PRDM2: variants seen among roughly 807,000 people sequenced by gnomAD.
PRDM2 encodes the protein PR domain zinc finger protein 2.
PRDM2 carries 30 observed loss-of-function variants against 130.0 expected under a neutral mutation model. The observed-to-expected ratio is 0.23, with a 90% CI of 0.17 to 0.31. The LOEUF (loss-of-function observed/expected upper bound fraction) is 0.31. PRDM2 is among the 10% of genes least tolerant of loss of function. The pLI, the probability that PRDM2 is intolerant of heterozygous loss-of-function variation, is 1.00. For missense variants in PRDM2, 2,011 were observed against 2,108.4 expected, an observed-to-expected ratio of 0.95 and a Z score of 0.90; for synonymous variants, 871 against 782.4, an observed-to-expected ratio of 1.11 and a Z score of -1.89.
At chr1:13,720,941 C>T (rs1052150203) in intron 2 of PRDM2, among the ~76,000 whole-genome samples, 32 of 152,272 alleles carry the variant, frequency 2.1e-4, no homozygotes, top group African/African-American at 7.5e-4. Context: ...AGTTTCACAC[C>T]CGTGTAACTA....
intron 2 of PRDM2, among the ~76,000 whole-genome samples, chr1:13,729,145 A>G (rs897842010): frequency 2.0e-5 from 3 of 152,186 alleles, no homozygotes; most frequent in East Asian, 1.9e-4. Flanking sequence ...CTCTTGGACT[A>G]TTTGGAGTAC....
intron 7 of PRDM2, among the ~76,000 whole-genome samples, chr1:13,776,822 C>T (rs1041892573): frequency 1.3e-5 from 2 of 152,150 alleles, no homozygotes; most frequent in Non-Finnish European, 2.9e-5. Context: ...CAGCCTCAGT[C>T]GTGGAGTCAT....
At chr1:13,775,461 A>G (rs758767909) in intron 7 of PRDM2, among the ~76,000 whole-genome samples, 15 of 152,210 alleles carry the variant, frequency 9.9e-5, no homozygotes, top group Non-Finnish European at 1.6e-4. Context: ...GAAATATGTT[A>G]CTACTGTCGA....
intron 7 of PRDM2, among the ~76,000 whole-genome samples, chr1:13,776,104 T>C (rs972585319): frequency 6.6e-6 from 1 of 152,202 alleles, no homozygotes; most frequent in Admixed American, 6.5e-5. Flanking sequence ...TATGAGATGC[T>C]TCCGTACCAC....
At chr1:13,809,937 GTTCACAGACTGCCACC>G (rs1645144584) in intron 8 of PRDM2, among the ~76,000 whole-genome samples, 2 of 152,080 alleles carry the variant, frequency 1.3e-5, no homozygotes, top group Non-Finnish European at 2.9e-5. Context: ...TCTCTTCCTG[GTTCACAGACTGCCACC>G]TTCTGTCTGT....
intron 4 of PRDM2, chr1:13,738,826 C>G (rs1643349940): frequency 6.6e-6 from 1 of 152,058 alleles, no homozygotes; most frequent in African/African-American, 2.4e-5. Flanking sequence ...CCGTTTTTGT[C>G]TGTAGTCACC....
At chr1:13,729,776 G>A (rs894463189) in intron 2 of PRDM2, among the ~76,000 whole-genome samples, 1 of 152,084 alleles carries the variant, frequency 6.6e-6, no homozygotes, top group Non-Finnish European at 1.5e-5. Context: ...CAGTTGGCTC[G>A]GCTCTGCACG....
At chr1:13,787,691 A>G (rs1644769449) in intron 8 of PRDM2, 3 of 983,728 alleles carry the variant, frequency 3.0e-6, no homozygotes, top group Admixed American at 6.1e-5. Context: ...ATTGTATTAT[A>G]TGTGATTTAC....
rs530031116 is a variant in PRDM2 at position 13,765,089 on chromosome 1, G to T, written c.512-7989G>T. ...TTTGCCACTGATCGCGCCTTGACCA[G>T]TTGTAACAGCCACTTGTGATCCTCT... On this transcript the variant is annotated intron_variant, in intron 6 of 9. Coordinates refer to ENST00000311066, the MANE Select transcript of PRDM2 (RefSeq NM_001393986.1). Among the ~76,000 whole-genome samples, 7 of 152,316 alleles carry T rather than the reference G, an allele frequency of 4.6e-5. No homozygotes were observed. In the South Asian group the frequency reaches 1.2e-3, roughly 27 times the overall value.
intron 2 of PRDM2, among the ~76,000 whole-genome samples, chr1:13,716,091 AC>A (rs959286228): frequency 6.6e-6 from 1 of 152,102 alleles, no homozygotes; most frequent in African/African-American, 2.4e-5. Context: ...AAAATGTGGC[AC>A]ATATACACCA....
intron 8 of PRDM2, among the ~76,000 whole-genome samples, chr1:13,805,227 A>G (rs1002312603): frequency 2.6e-5 from 4 of 152,018 alleles, no homozygotes; most frequent in African/African-American, 7.3e-5. Context: ...CTTGCCTGAC[A>G]TCCTCATTTT....
At chr1:13,767,515 A>G (rs943915736) in intron 6 of PRDM2, among the ~76,000 whole-genome samples, 3 of 151,216 alleles carry the variant, frequency 2.0e-5, no homozygotes, top group Non-Finnish European at 2.9e-5. Flanking sequence ...TATGTTGCCA[A>G]GGCTGGTCTT....
chr1:13,714,197 A>G (rs1642465062), intron 1 of PRDM2, among the ~76,000 whole-genome samples: 1 of 150,436 alleles, frequency 6.6e-6, no homozygotes, highest in African/African-American at 2.4e-5. Context: ...CTTGATAACA[A>G]TCTTATGTCT....
At chr1:13,730,680 A>G (rs561630625) in intron 2 of PRDM2, among the ~76,000 whole-genome samples, 1 of 152,280 alleles carries the variant, frequency 6.6e-6, no homozygotes. Context: ...AGCTTATGCT[A>G]TATTTTGCTG....
intron 6 of PRDM2, among the ~76,000 whole-genome samples, chr1:13,750,524 C>T (rs2100541814): frequency 6.6e-6 from 1 of 151,896 alleles, no homozygotes; most frequent in Admixed American, 6.6e-5. Flanking sequence ...AAAATCATAT[C>T]GTAAACTCGA....
chr1:13,722,249 G>T (rs1014597283), intron 2 of PRDM2, among the ~76,000 whole-genome samples: 4 of 152,148 alleles, frequency 2.6e-5, no homozygotes, highest in Non-Finnish European at 5.9e-5. Context: ...GCCAGCGGTC[G>T]TTGCGAGTTG....
At position 13,742,094 on chromosome 1, in the gene PRDM2, A is replaced by G; in HGVS notation, c.321A>G (p.Ser107=). The G allele has an allele frequency of 1.2e-6, 2 of 1,613,350 alleles. No individual in the cohort carries two copies. Among genetic ancestry groups the G allele is most frequent in the South Asian group, 1.1e-5 (1 of 91,064 alleles). ...TGCGATATGTGAATTGGGCTTGCTC[A>G]GGAGAAGAGCAAAATTTATTCCCAC... ...NWLRYVNWAC[S]GEEQNLFPLE... is the part of the protein sequence containing the mutation. Residue 107 remains serine, a synonymous_variant, in exon 5 of 10, where the codon TCA becomes TCG. Transcript: ENST00000311066.
rs1403244129 is a variant in PRDM2, at chr1:13,746,798, T to G, written c.385-2563T>G. Among the ~76,000 whole-genome samples, 4 of 152,302 alleles carry G rather than the reference T, an allele frequency of 2.6e-5. No homozygotes were observed. The East Asian group carries it at 7.7e-4, about 29-fold the overall frequency. ...TCTCAAACTCCTGCGCTCAAGCGAT[T>G]CGCCTGCCTTGGCCTCCCAAAGTTC... On this transcript the variant is annotated intron_variant, in intron 5 of 9. Coordinates refer to ENST00000311066, the MANE Select transcript of PRDM2 (RefSeq NM_001393986.1).
At chr1:13,709,845 A>C (rs1243487586) in intron 1 of PRDM2, among the ~76,000 whole-genome samples, 1 of 152,242 alleles carries the variant, frequency 6.6e-6, no homozygotes, top group East Asian at 1.9e-4. Context: ...AATTTTTTGT[A>C]ACTTAAAATA....
Sources: gnomAD v4.1 joint callset for allele counts (sites outside exome capture counted in the v4.1 genomes callset) on GRCh38, gnomAD v4.1.1 for gene constraint, MANE v1.5 for transcripts, NCBI Gene and HGNC (gene_info 2026-07-23, HGNC 2026-07-21) for gene names.